STPG2: variants seen among roughly 807,000 people sequenced by gnomAD.
STPG2 encodes the protein sperm-tail PG-rich repeat-containing protein 2.
STPG2 carries 56 observed loss-of-function variants against 54.2 expected under a neutral mutation model. That is an observed-to-expected ratio of 1.03 (90% CI 0.83 to 1.29). STPG2 has a LOEUF of 1.29. Among genes scored for constraint, STPG2 ranks in the 50% most tolerant of loss-of-function variants. The probability of loss-of-function intolerance (pLI) is 0.00; values close to 1 mark genes in which losing one functional copy is unlikely to be tolerated. For missense variants in STPG2, 596 were observed against 544.9 expected, an observed-to-expected ratio of 1.09 and a Z score of -0.93; for synonymous variants, 200 against 181.8, an observed-to-expected ratio of 1.10 and a Z score of -0.81.
chr4:97,995,294 G>T (rs1455869288), intron 5 of STPG2, among the ~76,000 whole-genome samples: 2 of 151,978 alleles, frequency 1.3e-5, no homozygotes, highest in African/African-American at 2.4e-5. Flanking sequence ...TTCCTTGGCT[G>T]TCCCACAAAG....
Position 98,096,735 on chromosome 4 carries a change from T to A in STPG2, c.612+9218A>T, listed in dbSNP as rs750173297. Reference sequence around the variant, plus strand: ...GACAAACCTTTAGCCAGACTAACTATGAAAAAGAGAAGATCCAAATAAATA... The same window carrying A: ...GACAAACCTTTAGCCAGACTAACTAAGAAAAAGAGAAGATCCAAATAAATA... On this transcript the variant is annotated intron_variant, in intron 5 of 10. Coordinates refer to ENST00000295268, the MANE Select transcript of STPG2 (RefSeq NM_174952.3). Among the ~76,000 whole-genome samples the A allele has an allele frequency of 1.3e-5, 2 of 151,828 alleles. 1 individual carries two copies. The highest frequency in any genetic ancestry group is 4.2e-4 in the South Asian group (2 of 4,814).
intron 10 of STPG2, among the ~76,000 whole-genome samples, chr4:97,694,682 A>C (rs1723503466): frequency 6.6e-6 from 1 of 151,364 alleles, no homozygotes; most frequent in East Asian, 2.0e-4. Context: ...GTGTGGTGGC[A>C]GGCACCTGTA....
intron 10 of STPG2, among the ~76,000 whole-genome samples, chr4:97,708,572 T>C (rs950089916): frequency 1.3e-5 from 2 of 151,920 alleles, no homozygotes; most frequent in Non-Finnish European, 2.9e-5. Context: ...AGATCAGGTA[T>C]AAAACTATCT....
At chr4:97,711,977 T>C (rs1460814444) in intron 10 of STPG2, among the ~76,000 whole-genome samples, 3 of 152,128 alleles carry the variant, frequency 2.0e-5, no homozygotes, top group Non-Finnish European at 2.9e-5. Context: ...CCTTAGATTG[T>C]GACATTTTAA....
intron 10 of STPG2, among the ~76,000 whole-genome samples, chr4:97,592,143 CTT>C (rs1560675882): frequency 6.6e-6 from 1 of 152,042 alleles, no homozygotes; most frequent in African/African-American, 2.4e-5. Flanking sequence ...ATAATTAACA[CTT>C]AAATAATAAC....
chr4:97,863,212 A>T (rs571895988), intron 8 of STPG2, among the ~76,000 whole-genome samples: 4 of 152,136 alleles, frequency 2.6e-5, no homozygotes, highest in Non-Finnish European at 5.9e-5. Context: ...AGACTAATAA[A>T]GAAGAAAAGA....
At chr4:97,518,809 G>A (rs1263238115) in intron 4 of STPG2, among the ~76,000 whole-genome samples, 1 of 151,876 alleles carries the variant, frequency 6.6e-6, no homozygotes, top group Admixed American at 6.6e-5. Context: ...TATCTATTTT[G>A]TCACATTAAA....
intron 7 of STPG2, among the ~76,000 whole-genome samples, chr4:97,969,476 C>T (rs1194699956): frequency 2.0e-5 from 3 of 152,118 alleles, no homozygotes; most frequent in Admixed American, 6.5e-5. Context: ...GGCAGCATCA[C>T]AGGACCAAAA....
intron 10 of STPG2, among the ~76,000 whole-genome samples, chr4:97,619,264 T>C (rs1057270587): frequency 6.6e-6 from 1 of 152,000 alleles, no homozygotes; most frequent in African/African-American, 2.4e-5. Flanking sequence ...TATATCTATA[T>C]GTGTATTTAA....
intron 8 of STPG2, among the ~76,000 whole-genome samples, chr4:97,883,844 A>C (rs1452968405): frequency 6.6e-6 from 1 of 152,202 alleles, no homozygotes; most frequent in Non-Finnish European, 1.5e-5. Flanking sequence ...TTTCAGAAGA[A>C]ATAGTTAAGA....
At chr4:97,787,558 G>A (rs1435043831) in intron 9 of STPG2, among the ~76,000 whole-genome samples, 1 of 151,922 alleles carries the variant, frequency 6.6e-6, no homozygotes, top group Non-Finnish European at 1.5e-5. Flanking sequence ...GTCTGTTCGT[G>A]AGAGATACTA....
intron 9 of STPG2, among the ~76,000 whole-genome samples, chr4:97,752,853 T>A (rs1725619420): frequency 6.6e-6 from 1 of 151,844 alleles, no homozygotes; most frequent in African/African-American, 2.4e-5. Flanking sequence ...CCACCCACCA[T>A]AACTCACTCT....
At chr4:97,803,469 G>T (rs1484923852) in intron 9 of STPG2, among the ~76,000 whole-genome samples, 1 of 152,048 alleles carries the variant, frequency 6.6e-6, no homozygotes, top group Non-Finnish European at 1.5e-5. Flanking sequence ...TGGAGGTGGG[G>T]GAGGATCTAT....
At chr4:97,935,428 G>A (rs570170813) in intron 8 of STPG2, among the ~76,000 whole-genome samples, 13 of 152,156 alleles carry the variant, frequency 8.5e-5, no homozygotes, top group Admixed American at 3.9e-4. Context: ...GCTAGCTTTT[G>A]GATTTGTTTG....
chr4:97,969,403 T>C (rs943171074), intron 7 of STPG2, among the ~76,000 whole-genome samples: 5 of 152,126 alleles, frequency 3.3e-5, no homozygotes, highest in African/African-American at 1.2e-4. Flanking sequence ...ACCGTAAATC[T>C]CTCACTAACC....
intron 10 of STPG2, among the ~76,000 whole-genome samples, chr4:97,594,979 G>C (rs1187627176): frequency 1.3e-5 from 2 of 152,122 alleles, no homozygotes; most frequent in Admixed American, 1.3e-4. Context: ...TGGAGAAATA[G>C]GAACACTTTT....
At chr4:97,699,131 C>A (rs1323682591) in intron 10 of STPG2, among the ~76,000 whole-genome samples, 1 of 152,212 alleles carries the variant, frequency 6.6e-6, no homozygotes, top group Non-Finnish European at 1.5e-5. Flanking sequence ...TGTGGCTATA[C>A]TGAGGGCTCA....
chr4:97,942,118 G>A (rs896213810), intron 8 of STPG2, among the ~76,000 whole-genome samples: 5 of 144,542 alleles, frequency 3.5e-5, no homozygotes, highest in African/African-American at 5.1e-5. Flanking sequence ...GTATAGATAC[G>A]TTTTAAATAT....
intron 7 of STPG2, among the ~76,000 whole-genome samples, chr4:97,949,190 G>A (rs1319413033): frequency 4.6e-5 from 7 of 152,002 alleles, no homozygotes; most frequent in Non-Finnish European, 4.4e-5. Flanking sequence ...TTTTACTGCT[G>A]TTGCTTTAAA....
Sources: allele counts gnomAD v4.1 joint callset (sites outside exome capture counted in the v4.1 genomes callset), GRCh38; gene constraint gnomAD v4.1.1; transcripts MANE v1.5; gene names NCBI Gene and HGNC (gene_info 2026-07-23, HGNC 2026-07-21).